Variants in HMCN2 observed in about 807,000 individuals in gnomAD.
The protein encoded by HMCN2 is hemicentin-2.
In HMCN2, 325 loss-of-function variants were observed where a neutral mutation model predicts 377.5. That is an observed-to-expected ratio of 0.86 (90% CI 0.79 to 0.94). The LOEUF is 0.94. HMCN2 is among the 40% of genes least tolerant of loss of function. The pLI is 0.00. For synonymous variants in HMCN2, 2,007 were observed against 2,046.8 expected, an observed-to-expected ratio of 0.98 and a Z score of 0.53; for missense variants, 4,543 against 4,725.3, an observed-to-expected ratio of 0.96 and a Z score of 1.13.
intron 22 of HMCN2, among the ~76,000 whole-genome samples, chr9:130,328,269 TC>T (rs1838253664): frequency 2.0e-5 from 3 of 151,888 alleles, no homozygotes; most frequent in Non-Finnish European, 4.4e-5. Flanking sequence ...ATCGGTGGGG[TC>T]CCCCATGCCC....
At position 130,430,489 on chromosome 9, in the gene HMCN2, C is replaced by T. The variant is rs564446735; in HGVS notation, c.14532C>T (p.Ile4844=). Residue 4844 remains isoleucine (I), a synonymous_variant, in exon 95 of 98, where the codon ATC becomes ATT. Coordinates refer to ENST00000683500, the MANE Select transcript of HMCN2 (RefSeq NM_001291815.2). Reference sequence around the variant, plus strand: ...CCTGGCTGCGGCCCTGGGCCTCGATCCCCGGTACCTCCTACCACGCCTGGG... The same window carrying T: ...CCTGGCTGCGGCCCTGGGCCTCGATTCCCGGTACCTCCTACCACGCCTGGG... ...LLPWLRPWAS[I]PGTSYHAWVS... The T allele has an allele frequency of 1.5e-5, 24 of 1,550,396 alleles. No homozygotes were observed. Among genetic ancestry groups the T allele is most frequent in the African/African-American group, 6.8e-5 (5 of 73,062 alleles).
intron 22 of HMCN2, among the ~76,000 whole-genome samples, chr9:130,334,816 C>CCT (rs1222248900): frequency 2.1e-5 from 3 of 141,620 alleles, no homozygotes; most frequent in Non-Finnish European, 3.1e-5. Flanking sequence ...CTCTCTCTCT[C>CCT]CTCTCTCTCT....
At chr9:130,429,051 C>T (rs773702781) in intron 93 of HMCN2, 24 of 181,226 alleles carry the variant, frequency 1.3e-4, no homozygotes, top group Admixed American at 3.3e-4. Context: ...GAGCCTGACC[C>T]AAGGGGATCA....
rs1837123867 is a variant in HMCN2, at chr9:130,309,807, C to T, written c.2201-105C>T. ...GCTTCCACCCACCATCTCCCAGGCC[C>T]CAACCTTGTGCAGCCGCAGGAGCCA... On this transcript the variant is annotated intron_variant, in intron 14 of 97. Transcript: ENST00000683500. The T allele has an allele frequency of 1.4e-5, 5 of 349,286 alleles. 1 individual carries two copies. The highest frequency in any genetic ancestry group is 1.7e-4 in the East Asian group (2 of 11,514). 21.6% of individuals were successfully genotyped at this position (349,286 alleles called of 1,614,324 possible).
intron 54 of HMCN2, 125 bp downstream of exon 54, chr9:130,379,592 A>G (rs927893400): frequency 3.5e-6 from 1 of 285,590 alleles, no homozygotes; most frequent in Non-Finnish European, 5.3e-6. Flanking sequence ...CTGGGGCTAC[A>G]AGTTCTTTGC....
At position 130,374,579 on chromosome 9, in the gene HMCN2, GACGGA is replaced by G; in HGVS notation, c.7517_7521del (p.Asp2506GlyfsTer51). 1.0e-6 allele frequency: 1 copy of G among 985,804 alleles called. No individual in the cohort carries two copies. The highest frequency in any genetic ancestry group is 1.2e-6 in the Non-Finnish European group (1 of 829,970). The allele number at this position is 985,804 out of a possible 1,614,324, so 61.1% of individuals were successfully genotyped here. On this transcript the variant is annotated frameshift_variant, in exon 49 of 98. Coordinates refer to ENST00000683500, the MANE Select transcript of HMCN2 (RefSeq NM_001291815.2). LOFTEE classifies it high-confidence loss of function. Reference sequence around the variant, plus strand: ...GGGAGATGCTCACCACATCTCCCCAGACGGAGTCCTCCTGCAGGTCCTCCAGGCAA... The same window carrying G: ...GGGAGATGCTCACCACATCTCCCCAGGTCCTCCTGCAGGTCCTCCAGGCAA...
intron 1 of HMCN2, among the ~76,000 whole-genome samples, chr9:130,278,142 T>C (rs1209331617): frequency 1.3e-5 from 2 of 152,194 alleles, no homozygotes; most frequent in Non-Finnish European, 2.9e-5. Flanking sequence ...GGTTTTTTTT[T>C]GAGACGCAGT....
rs1255912669 is a variant in HMCN2, at chr9:130,410,559, G to C, written c.12880-12G>C. On this transcript the variant is annotated splice_polypyrimidine_tract_variant and intron_variant, in intron 84 of 97. Coordinates refer to ENST00000683500, the MANE Select transcript of HMCN2 (RefSeq NM_001291815.2). Reference sequence around the variant, plus strand: ...CTGAGCACCATGCCTCCTCTCCTGTGCCCACTTGCAGAGGGACGATGCGGG... The same window carrying C: ...CTGAGCACCATGCCTCCTCTCCTGTCCCCACTTGCAGAGGGACGATGCGGG... The C allele has an allele frequency of 4.5e-6, 7 of 1,549,720 alleles. No homozygotes were observed. The Admixed American group carries it at 1.4e-4, about 30-fold the overall frequency.
Position 130,393,959 on chromosome 9 carries a change from C to G in HMCN2, c.10452C>G (p.Ala3484=), listed in dbSNP as rs930469486. The G allele has an allele frequency of 7.8e-7, 1 of 1,285,548 alleles. No homozygotes were observed. The highest frequency in any genetic ancestry group is 1.2e-5 in the South Asian group (1 of 80,604). 79.6% of individuals were successfully genotyped at this position (1,285,548 alleles called of 1,614,324 possible). Residue 3484 remains alanine, a synonymous_variant, in exon 68 of 98, where the codon GCC becomes GCG. Coordinates refer to ENST00000683500, the MANE Select transcript of HMCN2 (RefSeq NM_001291815.2). The surrounding 1 kb of genome is among the most constrained non-coding windows in gnomAD (Gnocchi z 5.2). The part of the protein sequence containing the change: ...AGDSGTYSCV[A]VSEAGEARRH... ...ACTCGGGGACCTACTCCTGTGTGGC[C>G]GTGAGCGAGGCGGGGGAAGCCAGGA...
intron 40 of HMCN2, among the ~76,000 whole-genome samples, chr9:130,363,933 G>GGAAGGAAGGAAAGAGAAAGAAAAAAAGA (rs1223062865): frequency 1.9e-4 from 15 of 80,514 alleles, no homozygotes; most frequent in Non-Finnish European, 3.8e-4. Flanking sequence ...AAAAAGAGAA[G>GGAAGGAAGGAAAGAGAAAGAAAAAAAGA]GAAGGAAGGA....
chr9:130,317,951 A>T (rs1277316526), intron 15 of HMCN2, among the ~76,000 whole-genome samples: 3 of 152,014 alleles, frequency 2.0e-5, no homozygotes, highest in Admixed American at 2.0e-4. Context: ...GGCTGGGTGC[A>T]GCTGGGGAAG....
In HMCN2 at chr9:130,410,614, T is replaced by C. The variant is rs1843357933; in HGVS notation, c.12923T>C (p.Met4308Thr). The change falls in exon 85 of 98, where the codon ATG (methionine) becomes ACG (threonine). Residue 4308 changes from methionine to threonine, a missense_variant. Coordinates refer to ENST00000683500, the MANE Select transcript of HMCN2 (RefSeq NM_001291815.2). Reference sequence around the variant, plus strand: ...TACCAGTGCCTGGCAGAGAATGAGATGGGCGTGGCGAAGAAAGTGGTGATC... The same window carrying C: ...TACCAGTGCCTGGCAGAGAATGAGACGGGCGTGGCGAAGAAAGTGGTGATC... Reference protein sequence around the residue: ...GRYQCLAENEMGVAKKVVILV... With the variant: ...GRYQCLAENETGVAKKVVILV... The C allele has an allele frequency of 6.4e-7, 1 of 1,550,610 alleles. No homozygotes were observed. Among genetic ancestry groups the C allele is most frequent in the Non-Finnish European group, 8.7e-7 (1 of 1,146,998 alleles).
At chr9:130,306,733 G>T in intron 12 of HMCN2, 78 bp from the exon 13 acceptor site, 4 of 423,326 alleles carry the variant, frequency 9.4e-6, no homozygotes, top group South Asian at 7.1e-5. Context: ...TAGTGGCATT[G>T]TTAGTGAATT....
chr9:130,329,406 GT>G (rs1166618066), intron 22 of HMCN2, among the ~76,000 whole-genome samples: 2 of 142,280 alleles, frequency 1.4e-5, no homozygotes, highest in Non-Finnish European at 1.5e-5. Flanking sequence ...CACTGGGGCT[GT>G]TTCCACATTT....
chr9:130,334,832 T>C (rs1838654787), intron 22 of HMCN2, among the ~76,000 whole-genome samples: 2 of 145,362 alleles, frequency 1.4e-5, no homozygotes, highest in African/African-American at 2.5e-5. Flanking sequence ...TCTCTCTCTC[T>C]CCCTCCCTCC....
At chr9:130,430,108 G>A (rs564358224) in intron 94 of HMCN2, 176 bp from the exon 95 acceptor site, 86 of 631,048 alleles carry the variant, frequency 1.4e-4, no homozygotes, top group African/African-American at 1.1e-3. Context: ...AGGTGGAATC[G>A]GAGAGGAGGC....
chr9:130,295,580 T>C (rs1588190899), intron 5 of HMCN2, 86 bp from the exon 6 acceptor site: 1 of 391,942 alleles, frequency 2.6e-6, no homozygotes. Flanking sequence ...TAGTGTTTGG[T>C]GTACTGTGGA....
rs761794424 is a variant in HMCN2, at chr9:130,353,151, A to G, written c.4810A>G (p.Lys1604Glu). ...QSSDAGVYTCKASNAVGAAEK... is the reference protein window; with the variant it reads ...QSSDAGVYTCEASNAVGAAEK... ...CTCCGATGCCGGCGTCTACACCTGC[A>G]AGGCCAGCAATGCTGTGGGGGCCGC... The change falls in exon 31 of 98, where the codon AAG becomes GAG. Residue 1604 changes from lysine to glutamate, a missense_variant. Physicochemically the swap from Lys to Glu is moderately conservative, Grantham distance 56. Transcript: ENST00000683500. 1.5e-6 allele frequency: 2 copies of G among 1,304,046 alleles called. No individual in the cohort carries two copies. The highest frequency in any genetic ancestry group is 1.0e-6 in the Non-Finnish European group (1 of 988,948). The allele number at this position is 1,304,046 out of a possible 1,614,324, so 80.8% of individuals were successfully genotyped here. A position where few individuals can be genotyped will look rare whatever the true frequency, so the allele number is the denominator to read the frequency against.
Position 130,393,849 on chromosome 9 carries a change from T to A in HMCN2, c.10342T>A (p.Ser3448Thr). 2 of 1,289,502 alleles carry A rather than the reference T, an allele frequency of 1.6e-6. No homozygotes were observed. The highest frequency in any genetic ancestry group is 2.0e-6 in the Non-Finnish European group (2 of 988,742). 79.9% of individuals were successfully genotyped at this position (1,289,502 alleles called of 1,614,324 possible). A position where few individuals can be genotyped will look rare whatever the true frequency, so the allele number is the denominator to read the frequency against. The change falls in exon 68 of 98, where the codon TCG (serine) becomes ACG (threonine). Residue 3448 changes from serine to threonine, a missense_variant. Around this residue, in one of 5 missense-constraint regions of HMCN2, gnomAD observed 1,073 missense variants for 1,319.5 expected, o/e 0.81. Transcript: ENST00000683500. The surrounding 1 kb of genome is among the most constrained non-coding windows in gnomAD (Gnocchi z 5.2). ...EARGVPLPLV[S>T]WMKDGEPLLS... ...CCGGGGCGTTCCCCTGCCTCTCGTG[T>A]CGTGGATGAAGGATGGGGAACCCTT...
Sources: allele counts gnomAD v4.1 joint callset (sites outside exome capture counted in the v4.1 genomes callset), GRCh38; gene constraint gnomAD v4.1.1; regional missense constraint gnomAD v4.1.1; non-coding constraint Gnocchi (gnomAD v3.1); transcripts MANE v1.5; gene names NCBI Gene and HGNC (gene_info 2026-07-23, HGNC 2026-07-21).